The following GABRB2 variants were observed in gnomAD, a reference collection of about 807,000 sequenced individuals.
GABRB2 encodes gamma-aminobutyric acid receptor subunit beta-2.
GABRB2 carries 16 observed loss-of-function variants against 54.7 expected under a neutral mutation model. That is an observed-to-expected ratio of 0.29 (90% CI 0.20 to 0.44). GABRB2 has a LOEUF of 0.44. GABRB2 is among the 20% of genes least tolerant of loss of function. GABRB2 has a pLI of 1.00. For synonymous variants in GABRB2, 244 were observed against 233.8 expected (o/e 1.04, Z -0.40); for missense variants, 355 against 644.0 (o/e 0.55, Z 4.86).
intron 3 of GABRB2, among the ~76,000 whole-genome samples, chr5:161,493,031 T>C (rs1185239721): frequency 6.6e-6 from 1 of 151,744 alleles, no homozygotes; most frequent in Non-Finnish European, 1.5e-5. Context: ...TTCTGAATGA[T>C]AGATTGCTAA....
chr5:161,434,493 T>C (rs1757256696), intron 4 of GABRB2, among the ~76,000 whole-genome samples: 1 of 152,128 alleles, frequency 6.6e-6, no homozygotes, highest in Non-Finnish European at 1.5e-5. Context: ...CTCCAGCTCA[T>C]AGCCCATGTT....
chr5:161,526,566 G>GT (rs573886546), intron 3 of GABRB2, among the ~76,000 whole-genome samples: 4,029 of 145,646 alleles, frequency 0.028, 82 homozygotes, highest in Non-Finnish European at 0.04. Flanking sequence ...ATTCAAAGAA[G>GT]TTTTTTTTTT....
intron 2 of GABRB2, among the ~76,000 whole-genome samples, chr5:161,546,053 C>A (rs975749538): frequency 2.0e-5 from 3 of 152,186 alleles, no homozygotes; most frequent in Admixed American, 2.0e-4. Context: ...AAAGCAAAGG[C>A]AGGGAAGCAA....
chr5:161,409,883 T>G (rs1756456802), intron 5 of GABRB2, among the ~76,000 whole-genome samples: 1 of 152,124 alleles, frequency 6.6e-6, no homozygotes, highest in South Asian at 2.1e-4. Flanking sequence ...AAAACATAAT[T>G]TGAAAATAAT....
At chr5:161,341,110 G>A (rs902624333) in intron 5 of GABRB2, among the ~76,000 whole-genome samples, 25 of 152,062 alleles carry the variant, frequency 1.6e-4, no homozygotes, top group African/African-American at 5.5e-4. Context: ...ACAGTTCCAG[G>A]GTGGTCAAGT....
At chr5:161,340,804 A>C (rs2113415356) in intron 5 of GABRB2, among the ~76,000 whole-genome samples, 1 of 152,174 alleles carries the variant, frequency 6.6e-6, no homozygotes, top group East Asian at 1.9e-4. Flanking sequence ...GTGGTTATTA[A>C]GTGAATACAT....
chr5:161,511,293 G>C (rs892216475), intron 3 of GABRB2, among the ~76,000 whole-genome samples: 6 of 151,872 alleles, frequency 4.0e-5, no homozygotes, highest in Non-Finnish European at 7.4e-5. Context: ...ATATCTAAAA[G>C]TTGACCTTTA....
At chr5:161,318,754 A>G (rs1758118660) in intron 9 of GABRB2, among the ~76,000 whole-genome samples, 1 of 152,060 alleles carries the variant, frequency 6.6e-6, no homozygotes, top group Non-Finnish European at 1.5e-5. Context: ...TAAAATCAAA[A>G]ATAAAACCCA....
intron 3 of GABRB2, among the ~76,000 whole-genome samples, chr5:161,484,058 CAAAG>C (rs1191528821): frequency 6.6e-6 from 1 of 151,316 alleles, no homozygotes; most frequent in African/African-American, 2.4e-5. Context: ...AGCTCAAAAA[CAAAG>C]AAAATGAAAA....
intron 5 of GABRB2, among the ~76,000 whole-genome samples, chr5:161,363,744 T>A (rs2962400): frequency 6.4e-4 from 98 of 152,016 alleles, no homozygotes; most frequent in African/African-American, 2.2e-3. Context: ...GCAATCATTC[T>A]TTCTTTAGCT....
At chr5:161,454,762 CA>C (rs1320958586) in intron 4 of GABRB2, among the ~76,000 whole-genome samples, 50 of 152,068 alleles carry the variant, frequency 3.3e-4, no homozygotes, top group African/African-American at 9.7e-4. Context: ...TGAATGAGGA[CA>C]ATAAAACCTG....
chr5:161,423,924 T>C (rs768948633), intron 4 of GABRB2, among the ~76,000 whole-genome samples: 1 of 152,172 alleles, frequency 6.6e-6, no homozygotes, highest in Non-Finnish European at 1.5e-5. Flanking sequence ...ATCGCTGATG[T>C]GGAGAAAGTT....
At chr5:161,346,147 C>T (rs1317266112) in intron 5 of GABRB2, among the ~76,000 whole-genome samples, 1 of 152,058 alleles carries the variant, frequency 6.6e-6, no homozygotes, top group Non-Finnish European at 1.5e-5. Flanking sequence ...GTAAAGGCCT[C>T]TGTGTTGAAG....
rs549208511 is a variant in GABRB2, at chr5:161,356,583, A to T, written c.542-19814T>A. Reference sequence around the variant, plus strand: ...ATTGAGAGAGTGAGTCAGTTCATTCATCATTAGAATATGAAAAGGTCATGG... The same window carrying T: ...ATTGAGAGAGTGAGTCAGTTCATTCTTCATTAGAATATGAAAAGGTCATGG... On this transcript the variant is annotated intron_variant, in intron 5 of 9. Transcript: ENST00000393959. 2.0e-5 allele frequency among the ~76,000 whole-genome samples: 3 copies of T among 152,290 alleles called. No individual in the cohort carries two copies. The East Asian group carries it at 5.8e-4, about 29-fold the overall frequency.
At chr5:161,488,077 A>C (rs573336834) in intron 3 of GABRB2, among the ~76,000 whole-genome samples, 41 of 152,010 alleles carry the variant, frequency 2.7e-4, no homozygotes, top group African/African-American at 9.6e-4. Flanking sequence ...TGGGATAAAC[A>C]AATCAATCAT....
chr5:161,496,756 C>T (rs1424113747), intron 3 of GABRB2, among the ~76,000 whole-genome samples: 1 of 152,034 alleles, frequency 6.6e-6, no homozygotes, highest in Non-Finnish European at 1.5e-5. Flanking sequence ...TTAGACACCA[C>T]CAATACTCTT....
At chr5:161,382,554 G>A (rs1755501357) in intron 5 of GABRB2, among the ~76,000 whole-genome samples, 1 of 152,016 alleles carries the variant, frequency 6.6e-6, no homozygotes, top group Admixed American at 6.6e-5. Context: ...AGCTCACTGG[G>A]TAAATAACAT....
intron 4 of GABRB2, 28 bp downstream of exon 4, chr5:161,459,596 G>T (rs778258347): frequency 2.5e-6 from 4 of 1,572,134 alleles, no homozygotes; most frequent in East Asian, 2.2e-5. Flanking sequence ...TTCAGGAAAA[G>T]TTATATTTTG....
intron 9 of GABRB2, among the ~76,000 whole-genome samples, chr5:161,296,339 G>T (rs1161008281): frequency 2.0e-5 from 3 of 152,030 alleles, no homozygotes; most frequent in African/African-American, 4.8e-5. Context: ...AAATTTCCTT[G>T]GCCACCATGC....
Sources: gnomAD v4.1 joint callset for allele counts (sites outside exome capture counted in the v4.1 genomes callset) on GRCh38, gnomAD v4.1.1 for gene constraint, MANE v1.5 for transcripts, NCBI Gene and HGNC (gene_info 2026-07-23, HGNC 2026-07-21) for gene names.